Variants in MAGI1 observed in about 807,000 individuals in gnomAD.
MAGI1 encodes membrane associated guanylate kinase, WW and PDZ domain containing 1, also known as membrane-associated guanylate kinase, WW and PDZ domain-containing protein 1.
Under a neutral mutation model 139.9 loss-of-function variants are expected in MAGI1, and 58 were observed. The observed-to-expected ratio is 0.41, with a 90% CI of 0.34 to 0.52. The LOEUF (loss-of-function observed/expected upper bound fraction) is 0.52. MAGI1 is among the 20% of genes least tolerant of loss of function. MAGI1 has a pLI of 0.12. For synonymous variants in MAGI1, 812 were observed against 737.9 expected (o/e 1.10, Z -1.63); for missense variants, 1,874 against 1,901.6 (o/e 0.99, Z 0.27).
chr3:65,811,947 T>TGAGA (rs1189249558), intron 1 of MAGI1, among the ~76,000 whole-genome samples: 1 of 133,904 alleles, frequency 7.5e-6, no homozygotes, highest in Non-Finnish European at 1.6e-5. Flanking sequence ...TGTGTGTGTG[T>TGAGA]GTGTGTGTGT....
chr3:65,955,603 A>G (rs2064084570), intron 1 of MAGI1, among the ~76,000 whole-genome samples: 1 of 152,204 alleles, frequency 6.6e-6, no homozygotes, highest in South Asian at 2.1e-4. Context: ...AGGAGAAGAA[A>G]TGCAAAACCA....
At chr3:65,711,260 G>A (rs1024903499) in intron 1 of MAGI1, among the ~76,000 whole-genome samples, 1 of 152,164 alleles carries the variant, frequency 6.6e-6, no homozygotes, top group African/African-American at 2.4e-5. Context: ...ACTATGAACT[G>A]TATTATACCA....
At chr3:65,817,973 T>C (rs917845927) in intron 1 of MAGI1, among the ~76,000 whole-genome samples, 8 of 152,192 alleles carry the variant, frequency 5.3e-5, no homozygotes, top group African/African-American at 1.7e-4. Flanking sequence ...TGTTCCATTC[T>C]AGTTACACAG....
chr3:65,599,756 C>A (rs1190388914), intron 2 of MAGI1, among the ~76,000 whole-genome samples: 1 of 152,108 alleles, frequency 6.6e-6, no homozygotes, highest in African/African-American at 2.4e-5. Context: ...ACTGAGGGGA[C>A]CTGCAAAATG....
intron 1 of MAGI1, among the ~76,000 whole-genome samples, chr3:65,648,347 A>G (rs1303810979): frequency 6.6e-6 from 1 of 151,646 alleles, no homozygotes; most frequent in African/African-American, 2.4e-5. Flanking sequence ...ACAGGGTCTC[A>G]TTATGTTGCC....
intron 18 of MAGI1, among the ~76,000 whole-genome samples, chr3:65,373,103 A>G (rs988030183): frequency 2.0e-5 from 3 of 152,168 alleles, no homozygotes; most frequent in East Asian, 1.9e-4. Context: ...CTTTTGGCCT[A>G]TCTCAGCTTT....
intron 1 of MAGI1, among the ~76,000 whole-genome samples, chr3:65,963,377 G>A (rs1490021806): frequency 6.7e-6 from 1 of 149,950 alleles, no homozygotes; most frequent in Non-Finnish European, 1.5e-5. Flanking sequence ...CACCACTTTG[G>A]GAGGCCAAGG....
intron 1 of MAGI1, among the ~76,000 whole-genome samples, chr3:65,628,075 A>C (rs1299285415): frequency 6.6e-6 from 1 of 152,108 alleles, no homozygotes; most frequent in East Asian, 1.9e-4. Context: ...TTTTTTAGCA[A>C]ATGTGTGGGG....
intron 1 of MAGI1, among the ~76,000 whole-genome samples, chr3:65,995,720 C>A (rs1307692729): frequency 6.6e-6 from 1 of 152,192 alleles, no homozygotes; most frequent in Non-Finnish European, 1.5e-5. Context: ...GCTGCTCCAC[C>A]GGGCCCTTCT....
chr3:65,932,662 TA>T (rs2062858908), intron 1 of MAGI1, among the ~76,000 whole-genome samples: 1 of 152,150 alleles, frequency 6.6e-6, no homozygotes, highest in African/African-American at 2.4e-5. Flanking sequence ...TCTCTGTGAC[TA>T]AAGCCATCAT....
At chr3:65,934,613 A>G (rs1431538207) in intron 1 of MAGI1, among the ~76,000 whole-genome samples, 1 of 151,688 alleles carries the variant, frequency 6.6e-6, no homozygotes, top group African/African-American at 2.4e-5. Context: ...CCTAATTATA[A>G]AACCGAGTCC....
chr3:65,479,518 CATTTTAATTTTTTT>C (rs1436009850), intron 3 of MAGI1, among the ~76,000 whole-genome samples: 2 of 152,158 alleles, frequency 1.3e-5, no homozygotes, highest in African/African-American at 4.8e-5. Context: ...TAGATTTTTA[CATTTTAATTTTTTT>C]ATTTTAATAG....
chr3:65,389,624 G>A (rs765650530), intron 14 of MAGI1, among the ~76,000 whole-genome samples: 1 of 152,200 alleles, frequency 6.6e-6, no homozygotes, highest in East Asian at 1.9e-4. Context: ...TACAGTGAGC[G>A]AGGAGACACA....
At chr3:65,720,868 G>C (rs1368173558) in intron 1 of MAGI1, among the ~76,000 whole-genome samples, 1 of 151,990 alleles carries the variant, frequency 6.6e-6, no homozygotes, top group Non-Finnish European at 1.5e-5. Flanking sequence ...TCCCACCTCA[G>C]CCTCTCCAGT....
chr3:65,582,016 G>A (rs4688585), intron 2 of MAGI1, among the ~76,000 whole-genome samples: 87,904 of 152,098 alleles, frequency 0.58, 27,785 homozygotes, highest in East Asian at 0.9. Flanking sequence ...ACTAGCCCCT[G>A]TGGTAGATTC....
intron 1 of MAGI1, among the ~76,000 whole-genome samples, chr3:65,946,679 C>CCA (rs908098591): frequency 2.0e-5 from 3 of 152,078 alleles, no homozygotes; most frequent in East Asian, 1.9e-4. Flanking sequence ...TATCCTGACA[C>CCA]CACACACGCA....
chr3:65,526,880 A>G (rs2078408428), intron 2 of MAGI1, among the ~76,000 whole-genome samples: 1 of 152,188 alleles, frequency 6.6e-6, no homozygotes, highest in Non-Finnish European at 1.5e-5. Flanking sequence ...TTTGCCATCA[A>G]TCATTAACAG....
At chr3:65,414,071 T>C (rs1946003775) in intron 12 of MAGI1, among the ~76,000 whole-genome samples, 1 of 152,244 alleles carries the variant, frequency 6.6e-6, no homozygotes, top group African/African-American at 2.4e-5. Context: ...GGCTATTTCC[T>C]ACTGTTTATT....
chr3:65,458,555 T>C (rs1949553759), intron 5 of MAGI1, among the ~76,000 whole-genome samples: 1 of 152,182 alleles, frequency 6.6e-6, no homozygotes, highest in Admixed American at 6.5e-5. Flanking sequence ...ATTTCTCTGA[T>C]GATCAGTGAT....
Sources: allele counts gnomAD v4.1 joint callset (sites outside exome capture counted in the v4.1 genomes callset), GRCh38; gene constraint gnomAD v4.1.1; transcripts MANE v1.5; gene names NCBI Gene and HGNC (gene_info 2026-07-23, HGNC 2026-07-21).